Variants in SETD5 observed in about 807,000 individuals in gnomAD.
The protein encoded by SETD5 is histone-lysine N-methyltransferase SETD5.
A neutral mutation model predicts 153.3 loss-of-function variants in SETD5; 44 were observed. That is an observed-to-expected ratio of 0.29 (90% CI 0.23 to 0.37). The LOEUF (loss-of-function observed/expected upper bound fraction) is 0.37. Among genes scored for constraint, SETD5 ranks in the 10% least tolerant of loss-of-function variants. SETD5 has a pLI of 1.00. For synonymous variants in SETD5, 716 were observed against 645.2 expected (o/e 1.11, Z -1.66); for missense variants, 1,544 against 1,768.0 (o/e 0.87, Z 2.27).
At chr3:9,466,308 A>G (rs1184702334) in intron 18 of SETD5, among the ~76,000 whole-genome samples, 3 of 149,266 alleles carry the variant, frequency 2.0e-5, no homozygotes, top group African/African-American at 5.1e-5. Context: ...AAAAAAAAAA[A>G]AGAAAATCAG....
At chr3:9,464,806 T>G (rs2125503844) in intron 18 of SETD5, 134 bp downstream of exon 18, 3 of 1,426,274 alleles carry the variant, frequency 2.1e-6, no homozygotes, top group Non-Finnish European at 2.9e-6. Context: ...ATGGGAAACC[T>G]CAGGGTCATT....
At chr3:9,469,983 T>G (rs1049990408) in intron 18 of SETD5, among the ~76,000 whole-genome samples, 2 of 152,206 alleles carry the variant, frequency 1.3e-5, no homozygotes, top group African/African-American at 2.4e-5. Context: ...TACCTTCTCC[T>G]TCCTCCACCT....
intron 10 of SETD5, 116 bp from the exon 11 acceptor site, chr3:9,443,192 C>T: frequency 1.3e-6 from 1 of 768,532 alleles, no homozygotes; most frequent in South Asian, 1.6e-5. Flanking sequence ...ACCATAACTC[C>T]TTAAATAAAT....
At position 9,440,564 on chromosome 3, in the gene SETD5, A is replaced by G; in HGVS notation, c.676A>G (p.Ser226Gly). Residue 226 changes from serine (S) to glycine (G), a missense_variant, in exon 8 of 23, where the codon AGT becomes GGT. Around this residue, in one of 9 missense-constraint regions of SETD5, gnomAD observed 251 missense variants for 326.9 expected, o/e 0.77. Coordinates refer to ENST00000402198, the MANE Select transcript of SETD5 (RefSeq NM_001080517.3). Reference sequence around the variant, plus strand: ...TGAAGAAGCTTTCACTAATCAGTACAGTGCAGATGTACAGAACGCGCTTGA... The same window carrying G: ...TGAAGAAGCTTTCACTAATCAGTACGGTGCAGATGTACAGAACGCGCTTGA... ...QYEEAFTNQY[S>G]ADVQNALEQH... 6.2e-7 allele frequency: 1 copy of G among 1,614,004 alleles called. No homozygotes were observed. The highest frequency in any genetic ancestry group is 8.5e-7 in the Non-Finnish European group (1 of 1,179,860).
rs894828879 is a variant in SETD5 at position 9,434,662 on chromosome 3, T to C, written c.330-162T>C. ...ATTGCTGACAACAAGGAATGAGAGATTGATGTTAAAGCTATTGAATTTGAT... is the reference window on the plus strand; with the variant it reads ...ATTGCTGACAACAAGGAATGAGAGACTGATGTTAAAGCTATTGAATTTGAT... On this transcript the variant is annotated intron_variant, in intron 5 of 22. Coordinates refer to ENST00000402198, the MANE Select transcript of SETD5 (RefSeq NM_001080517.3). This position sits in a 1 kb window ranked among gnomAD's most constrained non-coding sequence, Gnocchi z 5.6. 5 of 1,467,876 alleles carry C rather than the reference T, an allele frequency of 3.4e-6. No individual in the cohort carries two copies. Among genetic ancestry groups the C allele is most frequent in the Non-Finnish European group, 3.6e-6 (4 of 1,110,098 alleles). The allele number at this position is 1,467,876 out of a possible 1,614,324, so 90.9% of individuals were successfully genotyped here.
intron 1 of SETD5, among the ~76,000 whole-genome samples, chr3:9,413,719 C>G (rs1303738127): frequency 6.6e-6 from 1 of 150,836 alleles, no homozygotes; most frequent in African/African-American, 2.4e-5. Context: ...TAATTGGCCT[C>G]TTCCAGCAAA....
chr3:9,470,908 G>C lies in SETD5; in HGVS notation c.3174G>C (p.Gln1058His), dbSNP rs759285961. Reference protein sequence around the residue: ...RACEGVPSAPQNPPQRKKVSL... With the variant: ...RACEGVPSAPHNPPQRKKVSL... Reference sequence around the variant, plus strand: ...GTGAAGGAGTCCCATCTGCCCCCCAGAACCCACCACAGAGGAAAAAAGTAA... The same window carrying C: ...GTGAAGGAGTCCCATCTGCCCCCCACAACCCACCACAGAGGAAAAAAGTAA... The change falls in exon 19 of 23, where the codon CAG becomes CAC. Residue 1058 changes from glutamine (Q) to histidine (H), a missense_variant. Transcript: ENST00000402198. The C allele has an allele frequency of 3.8e-6, 6 of 1,594,750 alleles. No homozygotes were observed. The Admixed American group carries it at 1.0e-4, about 28-fold the overall frequency.
At position 9,445,254 on chromosome 3, in the gene SETD5, A is replaced by C. The variant is rs2041797491; in HGVS notation, c.1394A>C (p.Gln465Pro). ...NEASEENNDQQSQEVPEKVTV... is the reference protein window; with the variant it reads ...NEASEENNDQPSQEVPEKVTV... Reference sequence around the variant, plus strand: ...GCTTCAGAGGAGAATAATGACCAGCAATCACAAGAAGTTCCAGAAAAAGTA... The same window carrying C: ...GCTTCAGAGGAGAATAATGACCAGCCATCACAAGAAGTTCCAGAAAAAGTA... The change falls in exon 12 of 23, where the codon CAA (glutamine) becomes CCA (proline). Residue 465 changes from glutamine (Q) to proline (P), a missense_variant. Around this residue, in one of 9 missense-constraint regions of SETD5, gnomAD observed 782 missense variants for 787.2 expected, o/e 0.99. Transcript: ENST00000402198. The C allele has an allele frequency of 1.2e-6, 2 of 1,610,542 alleles. No individual in the cohort carries two copies. Among genetic ancestry groups the C allele is most frequent in the Non-Finnish European group, 1.7e-6 (2 of 1,178,096 alleles).
chr3:9,474,667 G>T, intron 21 of SETD5, 85 bp downstream of exon 21: 1 of 1,540,936 alleles, frequency 6.5e-7, no homozygotes, highest in Admixed American at 2.0e-5. Flanking sequence ...CTGAGTTGAG[G>T]TGAGTCAGTT....
intron 9 of SETD5, 55 bp from the exon 10 acceptor site, chr3:9,442,073 G>A (rs979520809): frequency 1.2e-5 from 14 of 1,176,020 alleles, no homozygotes; most frequent in Non-Finnish European, 1.7e-5. Flanking sequence ...TTGGAGTCAT[G>A]GGGTGGCCTT....
At chr3:9,454,854 A>G (rs1201864892) in intron 17 of SETD5, among the ~76,000 whole-genome samples, 2 of 152,000 alleles carry the variant, frequency 1.3e-5, no homozygotes, top group Non-Finnish European at 2.9e-5. Flanking sequence ...GTTCTTTGTG[A>G]TTTTCATAAC....
At chr3:9,431,144 T>C in intron 3 of SETD5, 5 of 985,478 alleles carry the variant, frequency 5.1e-6, no homozygotes, top group Non-Finnish European at 6.0e-6. Context: ...ATGGCAACTA[T>C]ATGCAATACG....
intron 18 of SETD5, among the ~76,000 whole-genome samples, chr3:9,465,886 C>T (rs1397157293): frequency 1.3e-5 from 2 of 152,068 alleles, no homozygotes; most frequent in African/African-American, 4.8e-5. Context: ...GCACCTAGAG[C>T]TTTATAGTAA....
intron 17 of SETD5, 122 bp downstream of exon 17, chr3:9,453,990 C>T: frequency 8.5e-7 from 1 of 1,172,978 alleles, no homozygotes; most frequent in Non-Finnish European, 1.1e-6. Context: ...AGTTACTTTA[C>T]ATCTGTCTTT....
chr3:9,454,416 C>A (rs1331489459), intron 17 of SETD5, among the ~76,000 whole-genome samples: 2 of 151,800 alleles, frequency 1.3e-5, no homozygotes, highest in Admixed American at 1.3e-4. Flanking sequence ...GTCAGGAGTT[C>A]GAGACCAACG....
At chr3:9,398,331 C>G (rs1026851797) in intron 1 of SETD5, 1 of 152,170 alleles carries the variant, frequency 6.6e-6, no homozygotes, top group Non-Finnish European at 1.5e-5. Context: ...TTGCTGCCCT[C>G]CGCTCGAAAT....
chr3:9,421,200 A>G (rs2038341929), intron 1 of SETD5, among the ~76,000 whole-genome samples: 1 of 152,152 alleles, frequency 6.6e-6, no homozygotes, highest in Non-Finnish European at 1.5e-5. Context: ...ACTTTGAGGA[A>G]TTTAGGGTTC....
At chr3:9,454,085 A>C in intron 17 of SETD5, 1 of 299,924 alleles carries the variant, frequency 3.3e-6, no homozygotes, top group Non-Finnish European at 5.8e-6. Context: ...ATAACAGCAG[A>C]AATGGTTATA....
chr3:9,439,654 A>G (rs1191232588), intron 7 of SETD5, among the ~76,000 whole-genome samples: 1 of 152,186 alleles, frequency 6.6e-6, no homozygotes, highest in Non-Finnish European at 1.5e-5. Flanking sequence ...CTGTCTGCCT[A>G]GGAAGCTGTT....
Sources: gnomAD v4.1 joint callset for allele counts (sites outside exome capture counted in the v4.1 genomes callset) on GRCh38, gnomAD v4.1.1 for gene constraint, gnomAD v4.1.1 regional missense constraint, Gnocchi (gnomAD v3.1) non-coding constraint, MANE v1.5 for transcripts, NCBI Gene and HGNC (gene_info 2026-07-23, HGNC 2026-07-21) for gene names.